The following TCTN1 variants were observed in gnomAD, a reference collection of about 807,000 sequenced individuals.
TCTN1 encodes the protein tectonic family member 1.
In TCTN1, 58 loss-of-function variants were observed where a neutral mutation model predicts 65.8. The ratio of observed to expected loss-of-function variants is 0.88; its 90% CI spans 0.71 to 1.10. TCTN1 has a LOEUF of 1.10. Ranked by LOEUF, TCTN1 falls within the 50% of genes least tolerant of loss-of-function variation. The pLI is 0.00. For synonymous variants in TCTN1, 273 were observed against 289.1 expected (o/e 0.94, Z 0.57); for missense variants, 645 against 719.4 (o/e 0.90, Z 1.18).
intron 4 of TCTN1, 61 bp from the exon 5 acceptor site, chr12:110,632,411 A>G: frequency 6.4e-7 from 1 of 1,569,636 alleles, no homozygotes; most frequent in Non-Finnish European, 8.8e-7. Flanking sequence ...GTGGGTGCCC[A>G]GTAAGTGTTG....
At position 110,647,896 on chromosome 12, in the gene TCTN1, A is replaced by G; in HGVS notation, c.*1+3A>G. On this transcript the variant is annotated splice_donor_region_variant and intron_variant, in intron 14 of 14. Coordinates refer to ENST00000397659, the MANE Select transcript of TCTN1 (RefSeq NM_001082538.3). Reference sequence around the variant, plus strand: ...CTTCTTCTTCCCGTTTGTTTGACGTAAGTGAGGAAACTACGCCCCTCCTCT... The same window carrying G: ...CTTCTTCTTCCCGTTTGTTTGACGTGAGTGAGGAAACTACGCCCCTCCTCT... 6.2e-7 allele frequency: 1 copy of G among 1,613,106 alleles called. No homozygotes were observed. Among genetic ancestry groups the G allele is most frequent in the African/African-American group, 1.3e-5 (1 of 75,032 alleles).
intron 11 of TCTN1, among the ~76,000 whole-genome samples, chr12:110,642,927 T>C (rs944232485): frequency 2.0e-5 from 3 of 152,188 alleles, no homozygotes; most frequent in Non-Finnish European, 4.4e-5. Context: ...AGCTAAATTT[T>C]GTATTTTTAG....
chr12:110,628,350 T>C, intron 3 of TCTN1: 2 of 1,128,478 alleles, frequency 1.8e-6, no homozygotes, highest in Middle Eastern at 6.1e-4. Flanking sequence ...ACTTTTTTTT[T>C]TTTTTTTTGA....
chr12:110,615,259 A>T (rs2064955960), intron 1 of TCTN1, among the ~76,000 whole-genome samples: 1 of 152,262 alleles, frequency 6.6e-6, no homozygotes, highest in African/African-American at 2.4e-5. Context: ...CGACAGAGCA[A>T]GACTGTCTCA....
chr12:110,615,555 A>G (rs2064979829), intron 1 of TCTN1, among the ~76,000 whole-genome samples: 1 of 152,100 alleles, frequency 6.6e-6, no homozygotes, highest in South Asian at 2.1e-4. Flanking sequence ...ATTATATCTC[A>G]CTTAAGTCTC....
chr12:110,647,871 C>G lies in TCTN1; in HGVS notation c.1758C>G (p.Asn586Lys), dbSNP rs771778649. The G allele has an allele frequency of 1.9e-6, 3 of 1,613,962 alleles. No homozygotes were observed. Among genetic ancestry groups the G allele is most frequent in the Non-Finnish European group, 2.5e-6 (3 of 1,180,042 alleles). ...PPAINARLPF[N>K]FFFPFV ...CCATCAATGCCAGGCTGCCCTTTAA[C>G]TTCTTCTTCCCGTTTGTTTGACGTA... The change falls in exon 14 of 15, where the codon AAC becomes AAG. Residue 586 changes from asparagine (N) to lysine (K), a missense_variant. By Grantham distance (94) the Asn-to-Lys change is moderately conservative. Coordinates refer to ENST00000397659, the MANE Select transcript of TCTN1 (RefSeq NM_001082538.3).
At chr12:110,621,289 A>G (rs1253719450) in intron 2 of TCTN1, among the ~76,000 whole-genome samples, 1 of 152,162 alleles carries the variant, frequency 6.6e-6, no homozygotes, top group African/African-American at 2.4e-5. Flanking sequence ...TATTTTATTG[A>G]CCAATGGGAT....
In TCTN1 at chr12:110,640,390, T is replaced by C; in HGVS notation, c.851T>C (p.Ile284Thr). The part of the protein sequence containing the change: ...RVPDSRKKVP[I>T]TVQSIVIQSL... ...CAGGTCTTCACTCTGCAGGTCCCTATCACTGTTCAGTCCATCGTCATTCAG... is the reference window on the plus strand; with the variant it reads ...CAGGTCTTCACTCTGCAGGTCCCTACCACTGTTCAGTCCATCGTCATTCAG... Residue 284 changes from isoleucine to threonine, a missense_variant, in exon 8 of 15, where the codon ATC (isoleucine) becomes ACC (threonine). By Grantham distance (89) the Ile-to-Thr change is moderately conservative. Coordinates refer to ENST00000397659, the MANE Select transcript of TCTN1 (RefSeq NM_001082538.3). The surrounding 1 kb of genome is among the most constrained non-coding windows in gnomAD (Gnocchi z 4.9). The C allele has an allele frequency of 1.2e-6, 2 of 1,614,178 alleles. No homozygotes were observed. The highest frequency in any genetic ancestry group is 1.7e-6 in the Non-Finnish European group (2 of 1,180,026).
chr12:110,614,736 A>T (rs1175843955), intron 1 of TCTN1, among the ~76,000 whole-genome samples: 2 of 152,326 alleles, frequency 1.3e-5, no homozygotes, highest in Middle Eastern at 3.4e-3. Context: ...ACAATGGTGG[A>T]AATTAGTGCC....
At chr12:110,636,343 A>C (rs2066564360) in intron 6 of TCTN1, 138 bp from the exon 7 acceptor site, 1 of 632,458 alleles carries the variant, frequency 1.6e-6, no homozygotes, top group Non-Finnish European at 2.8e-6. Context: ...GGGAGTCTTG[A>C]TCAAGGAAAT....
In TCTN1 at chr12:110,649,348, C is replaced by T; in HGVS notation, c.*307C>T. 7.4e-7 allele frequency: 1 copy of T among 1,359,950 alleles called. No individual in the cohort carries two copies. The highest frequency in any genetic ancestry group is 1.0e-6 in the Non-Finnish European group (1 of 958,676). The allele number at this position is 1,359,950 out of a possible 1,614,324, so 84.2% of individuals were successfully genotyped here. On this transcript the variant is annotated 3_prime_UTR_variant, in exon 15 of 15. Transcript: ENST00000397659. ...AAGCGGCCCAGGAGGGGCAGCTGTT[C>T]CTCTCGTGACAGCACAGGCCCATGA...
chr12:110,639,221 T>C lies in TCTN1; in HGVS notation c.844-1162T>C, dbSNP rs1189132693. On this transcript the variant is annotated intron_variant, in intron 7 of 14. Transcript: ENST00000397659. This position sits in a 1 kb window ranked among gnomAD's most constrained non-coding sequence, Gnocchi z 4.9. ...CTTCCTCAACAGTGGTTTCTAAGAA[T>C]TGAAGTTTAGAGCAAATGACAGATT... Among the ~76,000 whole-genome samples the C allele has an allele frequency of 6.6e-6, 1 of 152,214 alleles. No individual in the cohort carries two copies. The highest frequency in any genetic ancestry group is 1.5e-5 in the Non-Finnish European group (1 of 68,024).
chr12:110,647,160 G>C, intron 12 of TCTN1, 36 bp from the exon 13 acceptor site: 1 of 1,613,688 alleles, frequency 6.2e-7, no homozygotes. Context: ...GATTAAGTCT[G>C]ACTTGCAGTT....
chr12:110,624,934 TC>T (rs1421591700), intron 2 of TCTN1, among the ~76,000 whole-genome samples: 1 of 151,674 alleles, frequency 6.6e-6, no homozygotes, highest in Admixed American at 6.6e-5. Flanking sequence ...TCTCAGGTGA[TC>T]CACCCGCCTC....
In TCTN1 at chr12:110,647,183, A is replaced by G. The variant is rs1424120830; in HGVS notation, c.1495-13A>G. 6.2e-7 allele frequency: 1 copy of G among 1,614,196 alleles called. No individual in the cohort carries two copies. The highest frequency in any genetic ancestry group is 1.3e-5 in the African/African-American group (1 of 75,050). On this transcript the variant is annotated splice_polypyrimidine_tract_variant and intron_variant, in intron 12 of 14. Transcript: ENST00000397659. ...CTGACTTGCAGTTTTGTAAGATTCT[A>G]ATGGATTAACAGCATTTTGTTTTGC...
chr12:110,640,917 C>A lies in TCTN1; in HGVS notation c.979-107C>A. 6.6e-7 allele frequency: 1 copy of A among 1,504,550 alleles called. No homozygotes were observed. The highest frequency in any genetic ancestry group is 9.2e-7 in the Non-Finnish European group (1 of 1,087,998). The allele number at this position is 1,504,550 out of a possible 1,614,324, so 93.2% of individuals were successfully genotyped here. The stretch of plus-strand genomic sequence containing the variant: ...TGGACAGCAGAGCAAGGCTTCAACA[C>A]ATGGAGAAACAGGGAAAGATTTGCT... On this transcript the variant is annotated intron_variant, in intron 8 of 14. Transcript: ENST00000397659. The surrounding 1 kb of genome is among the most constrained non-coding windows in gnomAD (Gnocchi z 4.9).
rs868630730 is a variant in TCTN1 at position 110,622,394 on chromosome 12, C to T, written c.341+2438C>T. Among the ~76,000 whole-genome samples, 10 of 152,278 alleles carry T rather than the reference C, an allele frequency of 6.6e-5. No individual in the cohort carries two copies. The South Asian group carries it at 1.2e-3, about 19-fold the overall frequency. ...CAGGGACATAAAGATGAGTTAGGCA[C>T]TCTCCTGCCTTCAAAGAGCTTACCG... On this transcript the variant is annotated intron_variant, in intron 2 of 14. Transcript: ENST00000397659.
chr12:110,636,554 GTCTTAT>G, intron 7 of TCTN1, 53 bp downstream of exon 7: 1 of 1,069,696 alleles, frequency 9.3e-7, no homozygotes, highest in Non-Finnish European at 1.4e-6. Context: ...TTATAATACT[GTCTTAT>G]TTCTGAGCCC....
In TCTN1 at chr12:110,647,216, C is replaced by T; in HGVS notation, c.1515C>T (p.Ser505=). Residue 505 remains serine (S), a synonymous_variant, in exon 13 of 15, where the codon TCC becomes TCT. Transcript: ENST00000397659. ...AACAGCATTTTGTTTTGCAGGATTC[C>T]TGCCAGCTCCCAGGGGCTTTGGTTA... The part of the protein sequence containing the change: ...FNRKHFVLQD[S]CQLPGALVIE... 1.2e-6 allele frequency: 2 copies of T among 1,614,208 alleles called. No homozygotes were observed. The highest frequency in any genetic ancestry group is 1.7e-6 in the Non-Finnish European group (2 of 1,180,038).
Sources: allele counts gnomAD v4.1 joint callset (sites outside exome capture counted in the v4.1 genomes callset), GRCh38; gene constraint gnomAD v4.1.1; non-coding constraint Gnocchi (gnomAD v3.1); transcripts MANE v1.5; gene names NCBI Gene and HGNC (gene_info 2026-07-23, HGNC 2026-07-21).